CNGB1: variants seen among roughly 807,000 people sequenced by gnomAD.
The protein encoded by CNGB1 is cyclic nucleotide-gated channel beta-1.
Under a neutral mutation model 151.7 loss-of-function variants are expected in CNGB1, and 126 were observed. That is an observed-to-expected ratio of 0.83 (90% confidence interval 0.72 to 0.96). The LOEUF (loss-of-function observed/expected upper bound fraction) is 0.96, where lower values mean the gene tolerates loss of function less well. Ranked by LOEUF, CNGB1 falls within the 40% of genes least tolerant of loss-of-function variation. The pLI is 0.00. For missense variants in CNGB1, 1,698 were observed against 1,627.0 expected (o/e 1.04, Z -0.75); for synonymous variants, 623 against 635.1 (o/e 0.98, Z 0.29).
At chr16:57,918,144 TTTAC>T (rs1311322905) in intron 20 of CNGB1, among the ~76,000 whole-genome samples, 10 of 151,112 alleles carry the variant, frequency 6.6e-5, no homozygotes, top group African/African-American at 2.4e-4. Flanking sequence ...TATTTATTTA[TTTAC>T]TATTTTTGTA....
chr16:57,907,408 C>T (rs1187598620), intron 25 of CNGB1, among the ~76,000 whole-genome samples: 1 of 152,250 alleles, frequency 6.6e-6, no homozygotes, highest in Non-Finnish European at 1.5e-5. Context: ...TTGTGACCCC[C>T]TAAAATCTCT....
At chr16:57,917,234 C>G in intron 21 of CNGB1, 34 bp downstream of exon 21, 1 of 1,585,928 alleles carries the variant, frequency 6.3e-7, no homozygotes, top group East Asian at 2.3e-5. Flanking sequence ...CGGTCTGCCC[C>G]CGGTCACCCC....
intron 12 of CNGB1, 38 bp from the exon 13 acceptor site, chr16:57,950,578 C>T (rs1175193437): frequency 6.2e-7 from 1 of 1,612,704 alleles, no homozygotes; most frequent in Non-Finnish European, 8.5e-7. Context: ...ATGGGATGTG[C>T]GGGAGAGTGG....
intron 5 of CNGB1, 41 bp downstream of exon 5, chr16:57,962,933 C>G (rs753724926): frequency 5.5e-5 from 88 of 1,612,234 alleles, no homozygotes; most frequent in Admixed American, 3.8e-4. Context: ...CCCACAGCCC[C>G]TCTCCAACCC....
At chr16:57,924,096 A>G (rs1596983906) in intron 17 of CNGB1, among the ~76,000 whole-genome samples, 2 of 152,128 alleles carry the variant, frequency 1.3e-5, no homozygotes, top group South Asian at 2.1e-4. Flanking sequence ...TTCTTGCCCA[A>G]CCTGCCTCTG....
Position 57,915,259 on chromosome 16 carries a change from C to T in CNGB1, c.2294G>A (p.Arg765His), listed in dbSNP as rs761839551. 9.9e-6 allele frequency: 16 copies of T among 1,613,236 alleles called. No individual in the cohort carries two copies. Among genetic ancestry groups the T allele is most frequent in the East Asian group, 4.5e-5 (2 of 44,894 alleles). The change falls in exon 23 of 33, where the codon CGC becomes CAC. Residue 765 changes from arginine (R) to histidine (H), a missense_variant. By Grantham distance (29) the Arg-to-His change is conservative. Coordinates refer to ENST00000251102, the MANE Select transcript of CNGB1 (RefSeq NM_001297.5). The stretch of plus-strand genomic sequence containing the variant: ...GCCCAGCAGTCCTACCTTTAAACAG[C>T]GGGGCAGGCGGAGGAGGGGGTTCAC... ...VGVNPLLRLP[R>H]CLKYMAFFEF...
intron 11 of CNGB1, among the ~76,000 whole-genome samples, chr16:57,957,946 G>A (rs1191288852): frequency 1.3e-5 from 2 of 152,178 alleles, no homozygotes; most frequent in African/African-American, 4.8e-5. Context: ...CAGGTTCCCG[G>A]TTCTTGAGGA....
At chr16:57,901,693 A>G in intron 27 of CNGB1, 68 bp from the exon 28 acceptor site, 3 of 1,296,938 alleles carry the variant, frequency 2.3e-6, no homozygotes, top group Non-Finnish European at 3.3e-6. Flanking sequence ...ATACCGGCCA[A>G]GTGCCCACCT....
At chr16:57,899,659 CA>C (rs1329969140) in intron 29 of CNGB1, among the ~76,000 whole-genome samples, 1 of 149,508 alleles carries the variant, frequency 6.7e-6, no homozygotes, top group Non-Finnish European at 1.5e-5. Flanking sequence ...AACAAACAAA[CA>C]AATAAATAAA....
intron 16 of CNGB1, among the ~76,000 whole-genome samples, chr16:57,932,716 G>A (rs532976666): frequency 4.0e-5 from 6 of 151,892 alleles, no homozygotes; most frequent in African/African-American, 1.4e-4. Flanking sequence ...AATTAGCTGC[G>A]AATACAGGCA....
intron 16 of CNGB1, among the ~76,000 whole-genome samples, chr16:57,935,652 C>CA (rs1456158122): frequency 2.7e-5 from 4 of 150,234 alleles, no homozygotes; most frequent in Admixed American, 1.3e-4. Flanking sequence ...CGTCCCCCCC[C>CA]AAAAAAAAAT....
At chr16:57,911,341 T>G (rs1960704379) in intron 25 of CNGB1, among the ~76,000 whole-genome samples, 1 of 152,214 alleles carries the variant, frequency 6.6e-6, no homozygotes, top group Non-Finnish European at 1.5e-5. Flanking sequence ...CAGGCTGGAA[T>G]GCAATGGCAC....
At chr16:57,970,753 A>G (rs1475696883) in intron 1 of CNGB1, among the ~76,000 whole-genome samples, 1 of 152,134 alleles carries the variant, frequency 6.6e-6, no homozygotes, top group African/African-American at 2.4e-5. Flanking sequence ...TCAGGTGGGA[A>G]GGGGGACCCA....
chr16:57,895,907 A>C (rs1960210196), intron 31 of CNGB1, among the ~76,000 whole-genome samples: 1 of 152,196 alleles, frequency 6.6e-6, no homozygotes, highest in Non-Finnish European at 1.5e-5. Context: ...GAGCATCAAA[A>C]TAATGATTGT....
chr16:57,945,836 T>C (rs567856707), intron 14 of CNGB1, among the ~76,000 whole-genome samples: 22 of 152,234 alleles, frequency 1.4e-4, no homozygotes, highest in Non-Finnish European at 3.1e-4. Flanking sequence ...GCCATTATTA[T>C]TGTTCTTGTC....
intron 29 of CNGB1, among the ~76,000 whole-genome samples, chr16:57,899,833 G>A (rs1322990349): frequency 2.0e-5 from 3 of 152,120 alleles, no homozygotes; most frequent in Non-Finnish European, 4.4e-5. Context: ...AGGGTGAAGG[G>A]ACCCTCACCT....
At chr16:57,942,593 G>A (rs1961697616) in intron 14 of CNGB1, among the ~76,000 whole-genome samples, 1 of 152,178 alleles carries the variant, frequency 6.6e-6, no homozygotes, top group African/African-American at 2.4e-5. Flanking sequence ...GGCTGGATGT[G>A]GTGGCTCATG....
rs1192286887 is a variant in CNGB1 at position 57,967,437 on chromosome 16, T to C, written c.-8-143A>G. On this transcript the variant is annotated intron_variant, in intron 1 of 32. Coordinates refer to ENST00000251102, the MANE Select transcript of CNGB1 (RefSeq NM_001297.5). ...GACTGGGTGCGGTGGCTCACACCTG[T>C]AATCCCAGCAATTTGGGAGGCTGAG... 1.1e-4 allele frequency: 84 copies of C among 784,584 alleles called. 2 individuals are homozygous for C. The South Asian group carries it at 1.3e-3, about 12-fold the overall frequency. The allele number at this position is 784,584 out of a possible 1,614,324, so 48.6% of individuals were successfully genotyped here.
chr16:57,893,241 A>T (rs999088944), intron 31 of CNGB1, among the ~76,000 whole-genome samples: 1 of 152,212 alleles, frequency 6.6e-6, no homozygotes, highest in African/African-American at 2.4e-5. Flanking sequence ...GGTGAATTTG[A>T]TGGCTACAGA....
Sources: gnomAD v4.1 joint callset for allele counts (sites outside exome capture counted in the v4.1 genomes callset) on GRCh38, gnomAD v4.1.1 for gene constraint, MANE v1.5 for transcripts, NCBI Gene and HGNC (gene_info 2026-07-23, HGNC 2026-07-21) for gene names.